ANO1: variants seen among roughly 807,000 people sequenced by gnomAD.
The protein encoded by ANO1 is anoctamin-1.
A neutral mutation model predicts 124.0 loss-of-function variants in ANO1; 59 were observed. The observed-to-expected ratio is 0.48, with a 90% CI of 0.39 to 0.59. The LOEUF (loss-of-function observed/expected upper bound fraction) is 0.59, where lower values mean the gene tolerates loss of function less well. Ranked by LOEUF, ANO1 falls within the 20% of genes least tolerant of loss-of-function variation. The pLI is 0.00. For synonymous variants in ANO1, 529 were observed against 532.0 expected, an observed-to-expected ratio of 0.99 and a Z score of 0.08; for missense variants, 1,059 against 1,328.0, an observed-to-expected ratio of 0.80 and a Z score of 3.15.
At chr11:69,967,428 C>T in the ANO1 span, among the ~76,000 whole-genome samples, 1 of 152,242 alleles carries the variant, frequency 6.6e-6, no homozygotes, top group African/African-American at 2.4e-5. Flanking sequence ...TGGTCCGATG[C>T]TGGTGGTGAC....
intron 1 of ANO1, among the ~76,000 whole-genome samples, 172 bp downstream of exon 1, chr11:70,078,886 C>A (rs958489763): frequency 1.3e-5 from 2 of 151,022 alleles, no homozygotes; most frequent in African/African-American, 4.8e-5. Flanking sequence ...GGCGCGCCGG[C>A]CCTGGCCAAG....
intron 19 of ANO1, among the ~76,000 whole-genome samples, chr11:70,164,201 G>T (rs1259980758): frequency 6.6e-6 from 1 of 152,206 alleles, no homozygotes; most frequent in Non-Finnish European, 1.5e-5. Flanking sequence ...GCCTATCAGT[G>T]GTTCTGGTCT....
At chr11:69,977,510 C>T in the ANO1 span, among the ~76,000 whole-genome samples, 7 of 152,220 alleles carry the variant, frequency 4.6e-5, no homozygotes, top group Non-Finnish European at 1.0e-4. Context: ...TGAGATGGCC[C>T]CCAGCCCTCC....
At chr11:70,116,250 G>A (rs2045970257) in intron 7 of ANO1, among the ~76,000 whole-genome samples, 1 of 152,186 alleles carries the variant, frequency 6.6e-6, no homozygotes, top group Admixed American at 6.5e-5. Flanking sequence ...AGGCCAACAG[G>A]GCGGCCAACA....
At chr11:70,106,341 G>T (rs1294127867) in intron 5 of ANO1, among the ~76,000 whole-genome samples, 1 of 152,208 alleles carries the variant, frequency 6.6e-6, no homozygotes, top group Admixed American at 6.5e-5. Context: ...GCTGTGCATG[G>T]CTCAGGACCC....
chr11:70,085,442 G>A, intron 1 of ANO1: 1 of 1,534,460 alleles, frequency 6.5e-7, no homozygotes, highest in Non-Finnish European at 8.7e-7. Flanking sequence ...TCCTCCTGAA[G>A]GTCACCAGCA....
chr11:70,181,072 A>G (rs112399092), intron 23 of ANO1, among the ~76,000 whole-genome samples: 4 of 152,276 alleles, frequency 2.6e-5, no homozygotes, highest in African/African-American at 9.6e-5. Flanking sequence ...AGCTGTCCCC[A>G]GTACATACTT....
upstream of ANO1, among the ~76,000 whole-genome samples, chr11:70,073,420 C>T (rs538048210): frequency 8.5e-5 from 13 of 152,294 alleles, no homozygotes; most frequent in African/African-American, 2.6e-4. Flanking sequence ...CCTAACCGCG[C>T]GACTTAACAT....
chr11:70,071,054 G>A (rs7941411), intron 1 of ANO1, among the ~76,000 whole-genome samples: 26,139 of 152,104 alleles, frequency 0.17, 2,897 homozygotes, highest in African/African-American at 0.29. Context: ...GTGCCCCTGG[G>A]TGTCCTCCTG....
At position 70,104,080 on chromosome 11, in the gene ANO1, A is replaced by C; in HGVS notation, c.622A>C (p.Lys208Gln). Residue 208 changes from lysine to glutamine, a missense_variant, in exon 4 of 26, where the codon AAA (lysine) becomes CAA (glutamine). Lys to Gln is a moderately conservative substitution (Grantham distance 53). Transcript: ENST00000355303. ...LQKITDPIQP[K>Q]VAEHRPQTMK... is the part of the protein sequence containing the mutation. ...GAAAATCACAGATCCCATCCAGCCC[A>C]AAGTGGCTGAGCACAGGCCCCAGAC... The C allele has an allele frequency of 6.2e-7, 1 of 1,613,068 alleles. No homozygotes were observed. Among genetic ancestry groups the C allele is most frequent in the African/African-American group, 1.3e-5 (1 of 75,030 alleles).
rs187484921 is a variant in ANO1 at position 70,185,670 on chromosome 11, G to A, written c.2669G>A (p.Arg890Gln). ...SKDFWAVLAA[R>Q]LAFVIVFQNL... The stretch of plus-strand genomic sequence containing the variant: ...GACTTCTGGGCCGTCCTGGCAGCCC[G>A]GCTGGCGTTTGTCATCGTCTTCCAG... Residue 890 changes from arginine (R) to glutamine (Q), a missense_variant, in exon 25 of 26, where the codon CGG becomes CAG. Arg to Gln is a conservative substitution (Grantham distance 43). Transcript: ENST00000355303. The A allele has an allele frequency of 5.5e-5, 88 of 1,613,872 alleles. No homozygotes were observed. In the Middle Eastern group the frequency reaches 1.8e-3, roughly 33 times the overall value.
intron 1 of ANO1, among the ~76,000 whole-genome samples, chr11:70,081,319 A>G (rs1005239969): frequency 1.3e-5 from 2 of 152,112 alleles, no homozygotes; most frequent in Admixed American, 1.3e-4. Flanking sequence ...GTGTGCCCCA[A>G]ACAAGCCCAG....
intron 11 of ANO1, chr11:70,149,468 T>C (rs1590861266): frequency 2.2e-6 from 1 of 454,048 alleles, no homozygotes; most frequent in East Asian, 4.4e-5. Context: ...CTGGCCAACA[T>C]GGTGAAACCC....
chr11:70,084,044 AAGG>A (rs1265352307), intron 1 of ANO1, among the ~76,000 whole-genome samples: 1 of 152,148 alleles, frequency 6.6e-6, no homozygotes, highest in Non-Finnish European at 1.5e-5. Flanking sequence ...CTGCAAAGGC[AAGG>A]AGGAGGGACT....
intron 1 of ANO1, among the ~76,000 whole-genome samples, chr11:70,031,336 G>T (rs953597950): frequency 1.3e-5 from 2 of 152,152 alleles, no homozygotes; most frequent in East Asian, 3.8e-4. Context: ...TTCATTGTTT[G>T]GGGTGAGACA....
intron 5 of ANO1, among the ~76,000 whole-genome samples, chr11:70,107,055 G>T (rs746519093): frequency 1.1e-4 from 16 of 152,118 alleles, no homozygotes; most frequent in Non-Finnish European, 1.9e-4. Context: ...TGGTGGCAGT[G>T]GTCATAAACA....
At chr11:70,055,654 C>G (rs1277123977) in intron 1 of ANO1, among the ~76,000 whole-genome samples, 1 of 151,762 alleles carries the variant, frequency 6.6e-6, no homozygotes, top group Non-Finnish European at 1.5e-5. Flanking sequence ...ATATTTAGAC[C>G]ATTTATATTT....
intron 11 of ANO1, among the ~76,000 whole-genome samples, chr11:70,149,202 C>A (rs111722489): frequency 1.4e-4 from 21 of 152,244 alleles, no homozygotes; most frequent in African/African-American, 4.8e-4. Flanking sequence ...TAACCTCGGT[C>A]GGGACTTGAG....
intron 1 of ANO1, among the ~76,000 whole-genome samples, chr11:70,068,630 C>G (rs2135131660): frequency 6.6e-6 from 1 of 152,226 alleles, no homozygotes; most frequent in East Asian, 1.9e-4. Context: ...TCCCAGGAAA[C>G]ATGAAGTCCA....
Sources: gnomAD v4.1 joint callset for allele counts (sites outside exome capture counted in the v4.1 genomes callset) on GRCh38, gnomAD v4.1.1 for gene constraint, MANE v1.5 for transcripts, NCBI Gene and HGNC (gene_info 2026-07-23, HGNC 2026-07-21) for gene names.